The following TBC1D19 variants were observed in gnomAD, a reference collection of about 807,000 sequenced individuals.
The protein encoded by TBC1D19 is TBC1 domain family member 19.
A neutral mutation model predicts 89.0 loss-of-function variants in TBC1D19; 60 were observed. The ratio of observed to expected loss-of-function variants is 0.67; its 90% CI spans 0.55 to 0.84. The LOEUF is 0.84. Among genes scored for constraint, TBC1D19 ranks in the 40% least tolerant of loss-of-function variants. TBC1D19 has a pLI of 0.00. For synonymous variants in TBC1D19, 189 were observed against 199.7 expected (o/e 0.95, Z 0.45); for missense variants, 500 against 610.8 (o/e 0.82, Z 1.91).
chr4:26,608,959 C>A (rs1330140366), intron 1 of TBC1D19, among the ~76,000 whole-genome samples: 1 of 146,392 alleles, frequency 6.8e-6, no homozygotes, highest in Non-Finnish European at 1.5e-5. Context: ...GGACAAAAAA[C>A]CAAACACCGC....
intron 1 of TBC1D19, among the ~76,000 whole-genome samples, chr4:26,612,897 G>A (rs562303713): frequency 6.6e-6 from 1 of 152,042 alleles, no homozygotes; most frequent in East Asian, 1.9e-4. Flanking sequence ...AGATAAAGAT[G>A]ATAAGGACTC....
chr4:26,716,729 T>C (rs1716640306), intron 13 of TBC1D19, among the ~76,000 whole-genome samples: 1 of 152,118 alleles, frequency 6.6e-6, no homozygotes, highest in Non-Finnish European at 1.5e-5. Flanking sequence ...TCTGAAAGGA[T>C]ATACCTCAAA....
chr4:26,848,919 G>A, the TBC1D19 span, among the ~76,000 whole-genome samples: 2 of 152,192 alleles, frequency 1.3e-5, no homozygotes, highest in Non-Finnish European at 2.9e-5. Flanking sequence ...GTGGCTGGGT[G>A]TGGTGTCTCA....
chr4:26,824,969 TAAC>T, the TBC1D19 span, among the ~76,000 whole-genome samples: 2 of 152,252 alleles, frequency 1.3e-5, no homozygotes, highest in Non-Finnish European at 2.9e-5. Context: ...TTTAAATTTA[TAAC>T]AAGGCAGCTC....
the TBC1D19 span, among the ~76,000 whole-genome samples, chr4:26,777,132 CTT>C: frequency 8.5e-6 from 1 of 117,152 alleles, no homozygotes; most frequent in Non-Finnish European, 1.7e-5. Flanking sequence ...ATCTCTCTCT[CTT>C]CTTTTTTTTT....
intron 7 of TBC1D19, among the ~76,000 whole-genome samples, chr4:26,654,597 A>G (rs1273109699): frequency 2.0e-5 from 3 of 151,744 alleles, no homozygotes; most frequent in African/African-American, 7.3e-5. Flanking sequence ...TTTTCTCTAA[A>G]TTTCTCTTCT....
chr4:26,621,864 C>A (rs1742070073), intron 4 of TBC1D19, among the ~76,000 whole-genome samples: 2 of 151,710 alleles, frequency 1.3e-5, no homozygotes, highest in Admixed American at 1.3e-4. Context: ...CAACGATAGA[C>A]TGGATTAAGA....
intron 9 of TBC1D19, among the ~76,000 whole-genome samples, chr4:26,670,346 A>G (rs571468181): frequency 1.3e-5 from 2 of 151,656 alleles, no homozygotes; most frequent in South Asian, 4.1e-4. Flanking sequence ...AACTAAAAGA[A>G]TAAGGCATTC....
At chr4:26,658,547 T>C (rs944038739) in intron 7 of TBC1D19, among the ~76,000 whole-genome samples, 2 of 152,234 alleles carry the variant, frequency 1.3e-5, no homozygotes, top group African/African-American at 4.8e-5. Context: ...TTCTTTTTGC[T>C]TAGGATTGTC....
In TBC1D19 at chr4:26,742,587, T is replaced by C. The variant is rs748534358; in HGVS notation, c.1307T>C (p.Ile436Thr). The C allele has an allele frequency of 5.0e-6, 8 of 1,612,198 alleles. No homozygotes were observed. The highest frequency in any genetic ancestry group is 5.1e-6 in the Non-Finnish European group (6 of 1,178,948). ...CAACTCTTTTATCATCTACGAGAAATTGGGGCTCAACCGTGAGTACTTTTC... is the reference window on the plus strand; with the variant it reads ...CAACTCTTTTATCATCTACGAGAAACTGGGGCTCAACCGTGAGTACTTTTC... ...LPQLFYHLRE[I>T]GAQPLRISFK... The change falls in exon 18 of 21, where the codon ATT (isoleucine) becomes ACT (threonine). Residue 436 changes from isoleucine to threonine, a missense_variant. Ile to Thr is a moderately conservative substitution (Grantham distance 89). Around this residue, in one of 2 missense-constraint regions of TBC1D19, gnomAD observed 220 missense variants for 319.1 expected, o/e 0.69. Coordinates refer to ENST00000264866, the MANE Select transcript of TBC1D19 (RefSeq NM_018317.4).
At chr4:26,785,795 A>T in the TBC1D19 span, among the ~76,000 whole-genome samples, 2 of 152,150 alleles carry the variant, frequency 1.3e-5, no homozygotes, top group Non-Finnish European at 2.9e-5. Flanking sequence ...TGCTTTTATC[A>T]TTCCTTTTCT....
chr4:26,790,225 A>G, the TBC1D19 span, among the ~76,000 whole-genome samples: 4 of 152,258 alleles, frequency 2.6e-5, no homozygotes, highest in South Asian at 8.3e-4. Flanking sequence ...CTCTTATTCT[A>G]TCTGCTGGCT....
chr4:26,689,525 T>C (rs1044624216), intron 13 of TBC1D19, among the ~76,000 whole-genome samples: 2 of 152,192 alleles, frequency 1.3e-5, no homozygotes, highest in African/African-American at 4.8e-5. Context: ...AACCCTGCAT[T>C]GAGCAAGTCT....
the TBC1D19 span, among the ~76,000 whole-genome samples, chr4:26,763,358 A>G: frequency 6.6e-6 from 1 of 152,240 alleles, no homozygotes; most frequent in South Asian, 2.1e-4. Flanking sequence ...GAAACATTTT[A>G]CAGCCTGTTC....
Position 26,683,701 on chromosome 4 carries a change from G to A in TBC1D19, c.843G>A (p.Lys281=). Residue 281 remains lysine, a synonymous_variant, in exon 12 of 21, where the codon AAG becomes AAA. Transcript: ENST00000264866. ...PEDVLYYEQL[K]TNVIQHDLLV... Reference sequence around the variant, plus strand: ...ATGTCTTGTATTATGAGCAGCTTAAGACCAATGTGATACAACATGACCTTT... The same window carrying A: ...ATGTCTTGTATTATGAGCAGCTTAAAACCAATGTGATACAACATGACCTTT... The A allele has an allele frequency of 2.5e-6, 4 of 1,612,860 alleles. No homozygotes were observed. Among genetic ancestry groups the A allele is most frequent in the Non-Finnish European group, 3.4e-6 (4 of 1,179,584 alleles).
chr4:26,652,537 G>A (rs530099981), intron 7 of TBC1D19, among the ~76,000 whole-genome samples: 22 of 152,176 alleles, frequency 1.4e-4, no homozygotes, highest in African/African-American at 4.3e-4. Context: ...CACCGCACCC[G>A]GCCAGAGCCT....
chr4:26,642,454 G>A (rs1743611886), intron 7 of TBC1D19, among the ~76,000 whole-genome samples: 3 of 152,110 alleles, frequency 2.0e-5, no homozygotes. Flanking sequence ...AGGAACAACT[G>A]GTACCAGCCA....
intron 16 of TBC1D19, among the ~76,000 whole-genome samples, chr4:26,738,396 G>A (rs1183775140): frequency 6.6e-6 from 1 of 151,418 alleles, no homozygotes; most frequent in African/African-American, 2.4e-5. Flanking sequence ...TAAAAATAAA[G>A]AAGTTCCAAA....
chr4:26,800,667 G>A, the TBC1D19 span, among the ~76,000 whole-genome samples: 2 of 152,190 alleles, frequency 1.3e-5, no homozygotes, highest in African/African-American at 2.4e-5. Flanking sequence ...TCCAGCACCT[G>A]TTGTTTCCTG....
Sources: gnomAD v4.1 joint callset for allele counts (sites outside exome capture counted in the v4.1 genomes callset) on GRCh38, gnomAD v4.1.1 for gene constraint, gnomAD v4.1.1 regional missense constraint, MANE v1.5 for transcripts, NCBI Gene and HGNC (gene_info 2026-07-23, HGNC 2026-07-21) for gene names.